Variants in RIN3 observed in about 807,000 individuals in gnomAD.
The protein encoded by RIN3 is RAB5 interacting protein 3.
In RIN3, 54 loss-of-function variants were observed where a neutral mutation model predicts 76.3. The observed-to-expected ratio is 0.71, with a 90% CI of 0.57 to 0.89. The LOEUF is 0.89. Ranked by LOEUF, RIN3 falls within the 40% of genes least tolerant of loss-of-function variation. The pLI is 0.00. For synonymous variants in RIN3, 576 were observed against 564.0 expected (o/e 1.02, Z -0.30); for missense variants, 1,256 against 1,322.1 (o/e 0.95, Z 0.78).
intron 8 of RIN3, among the ~76,000 whole-genome samples, chr14:92,677,674 A>G (rs1273948192): frequency 2.0e-5 from 3 of 152,014 alleles, no homozygotes; most frequent in African/African-American, 7.3e-5. Flanking sequence ...TCTTCTAGGA[A>G]GTCCAGGAAT....
intron 3 of RIN3, among the ~76,000 whole-genome samples, chr14:92,584,012 G>A (rs369968441): frequency 6.6e-6 from 1 of 152,168 alleles, no homozygotes; most frequent in East Asian, 1.9e-4. Context: ...CCCCTGCTGT[G>A]CGCCCCGGTT....
intron 3 of RIN3, among the ~76,000 whole-genome samples, chr14:92,588,897 G>A (rs565767867): frequency 2.6e-5 from 4 of 152,328 alleles, no homozygotes; most frequent in East Asian, 3.9e-4. Flanking sequence ...AAAAGCTCTC[G>A]TATTGGTGTT....
intron 4 of RIN3, among the ~76,000 whole-genome samples, chr14:92,619,120 A>C (rs1220929303): frequency 6.6e-6 from 1 of 152,186 alleles, no homozygotes; most frequent in Non-Finnish European, 1.5e-5. Context: ...TATTATTCAC[A>C]AAAATATAAC....
At chr14:92,633,497 G>A (rs527656315) in intron 4 of RIN3, among the ~76,000 whole-genome samples, 5 of 152,328 alleles carry the variant, frequency 3.3e-5, no homozygotes, top group South Asian at 2.1e-4. Flanking sequence ...GAGAAATCTC[G>A]TCACTGTGCC....
intron 3 of RIN3, among the ~76,000 whole-genome samples, chr14:92,592,142 C>A (rs748516309): frequency 6.6e-6 from 1 of 152,112 alleles, no homozygotes; most frequent in Non-Finnish European, 1.5e-5. Flanking sequence ...TGGCTCACAC[C>A]TGTAATCCCA....
chr14:92,600,948 G>C (rs1885322146), intron 3 of RIN3, among the ~76,000 whole-genome samples: 1 of 152,190 alleles, frequency 6.6e-6, no homozygotes, highest in Admixed American at 6.5e-5. Flanking sequence ...GCTCCTGGTT[G>C]AGAACCACGG....
intron 3 of RIN3, among the ~76,000 whole-genome samples, chr14:92,582,954 C>A (rs1276054704): frequency 6.6e-6 from 1 of 152,232 alleles, no homozygotes; most frequent in Non-Finnish European, 1.5e-5. Flanking sequence ...ATGGAAGCCA[C>A]ACAGCTTTTT....
intron 3 of RIN3, among the ~76,000 whole-genome samples, chr14:92,608,271 A>G (rs184283640): frequency 6.6e-6 from 1 of 151,270 alleles, no homozygotes; most frequent in African/African-American, 2.4e-5. Context: ...ACTGGGGGGA[A>G]CTGGGTGAAG....
At chr14:92,546,147 A>C (rs573038733) in intron 1 of RIN3, among the ~76,000 whole-genome samples, 26 of 151,492 alleles carry the variant, frequency 1.7e-4, no homozygotes, top group African/African-American at 6.1e-4. Flanking sequence ...CTGGTCTTGA[A>C]CTCGTGACCT....
intron 7 of RIN3, among the ~76,000 whole-genome samples, chr14:92,663,206 C>T (rs542853447): frequency 3.9e-5 from 6 of 152,156 alleles, no homozygotes; most frequent in Non-Finnish European, 8.8e-5. Context: ...CTAAAGCTAG[C>T]GTCATCTCAC....
intron 3 of RIN3, among the ~76,000 whole-genome samples, chr14:92,583,185 A>G (rs886612022): frequency 1.3e-5 from 2 of 152,230 alleles, no homozygotes; most frequent in African/African-American, 4.8e-5. Context: ...GGAAAGGCCC[A>G]GGCCTGGAAC....
chr14:92,608,456 A>G (rs187822536), intron 3 of RIN3, among the ~76,000 whole-genome samples: 2 of 152,368 alleles, frequency 1.3e-5, no homozygotes, highest in East Asian at 3.9e-4. Flanking sequence ...TGTGCAAAAC[A>G]GAAGATGCAC....
chr14:92,620,056 C>CA (rs1212674775), intron 4 of RIN3, among the ~76,000 whole-genome samples: 1 of 152,240 alleles, frequency 6.6e-6, no homozygotes, highest in Non-Finnish European at 1.5e-5. Context: ...AAAGGCATTA[C>CA]ATTTTTCACT....
chr14:92,637,307 A>G (rs1456140313), intron 4 of RIN3, among the ~76,000 whole-genome samples: 1 of 151,864 alleles, frequency 6.6e-6, no homozygotes, highest in Non-Finnish European at 1.5e-5. Context: ...CAAAACCTAG[A>G]CCCCTCACTC....
At chr14:92,551,437 A>T (rs1406861982) in intron 1 of RIN3, among the ~76,000 whole-genome samples, 1 of 152,176 alleles carries the variant, frequency 6.6e-6, no homozygotes, top group African/African-American at 2.4e-5. Flanking sequence ...TTCTGGACGT[A>T]TACTGTCATT....
chr14:92,618,767 A>C (rs2140106958), intron 4 of RIN3, among the ~76,000 whole-genome samples: 1 of 152,348 alleles, frequency 6.6e-6, no homozygotes, highest in African/African-American at 2.4e-5. Flanking sequence ...AAACAATTTC[A>C]GTAATTTGTA....
rs182536166 is a variant in RIN3 at position 92,519,960 on chromosome 14, T to A, written c.44+5984T>A. On this transcript the variant is annotated intron_variant, in intron 1 of 9. Coordinates refer to ENST00000216487, the MANE Select transcript of RIN3 (RefSeq NM_024832.5). ...GTCCTCTCCTCTACTCTCCTGCCAG[T>A]AGGGCCTCTGTGCAGCCTTGGCATG... Among the ~76,000 whole-genome samples the A allele has an allele frequency of 2.6e-5, 4 of 152,300 alleles. No homozygotes were observed. In the East Asian group the frequency reaches 7.7e-4, roughly 29 times the overall value.
intron 3 of RIN3, among the ~76,000 whole-genome samples, chr14:92,593,089 G>A (rs376989345): frequency 3.9e-5 from 6 of 152,078 alleles, no homozygotes; most frequent in South Asian, 4.2e-4. Context: ...GCAGTATAGC[G>A]TTATTTGAAA....
intron 4 of RIN3, among the ~76,000 whole-genome samples, chr14:92,635,368 T>G (rs1014153321): frequency 1.3e-5 from 2 of 152,154 alleles, no homozygotes; most frequent in Non-Finnish European, 1.5e-5. Context: ...ATTACGGAAT[T>G]GGGAGGAACC....
Sources: allele counts gnomAD v4.1 joint callset (sites outside exome capture counted in the v4.1 genomes callset), GRCh38; gene constraint gnomAD v4.1.1; transcripts MANE v1.5; gene names NCBI Gene and HGNC (gene_info 2026-07-23, HGNC 2026-07-21).